LPAR6: variants seen among roughly 807,000 people sequenced by gnomAD.
LPAR6 encodes the protein G-protein coupled purinergic receptor P2Y5.
In LPAR6, 17 loss-of-function variants were observed where a neutral mutation model predicts 22.0. The ratio of observed to expected loss-of-function variants is 0.77; its 90% CI spans 0.53 to 1.16. The LOEUF is 1.16. Among genes scored for constraint, LPAR6 ranks in the 50% most tolerant of loss-of-function variants. The probability of loss-of-function intolerance (pLI) is 0.00; values close to 1 mark genes in which losing one functional copy is unlikely to be tolerated. For synonymous variants in LPAR6, 136 were observed against 139.8 expected (o/e 0.97, Z 0.19); for missense variants, 384 against 406.9 (o/e 0.94, Z 0.48).
upstream of LPAR6, among the ~76,000 whole-genome samples, chr13:48,415,013 A>G (rs1948884499): frequency 6.6e-6 from 1 of 152,020 alleles, no homozygotes; most frequent in African/African-American, 2.4e-5. Flanking sequence ...TATTTGGTTC[A>G]GTATGTTTTA....
intron 2 of LPAR6, among the ~76,000 whole-genome samples, chr13:48,420,823 C>T (rs558561852): frequency 7.9e-5 from 12 of 152,096 alleles, no homozygotes; most frequent in Non-Finnish European, 1.8e-4. Flanking sequence ...AGGCATACAA[C>T]ACACAAGGGA....
At chr13:48,422,143 T>G (rs1468591683) in intron 2 of LPAR6, among the ~76,000 whole-genome samples, 3 of 152,020 alleles carry the variant, frequency 2.0e-5, no homozygotes, top group Non-Finnish European at 4.4e-5. Flanking sequence ...ATAGACAGGA[T>G]AAAGAAAATG....
intron 1 of LPAR6, among the ~76,000 whole-genome samples, chr13:48,398,348 T>G (rs1948664312): frequency 6.6e-6 from 1 of 152,148 alleles, no homozygotes. Flanking sequence ...GTTTCTCAAG[T>G]GATTTAGGAG....
At chr13:48,425,147 A>G (rs1278474489) in intron 1 of LPAR6, among the ~76,000 whole-genome samples, 1 of 152,232 alleles carries the variant, frequency 6.6e-6, no homozygotes, top group Non-Finnish European at 1.5e-5. Context: ...ATGAGAATCT[A>G]CGAATTTAGT....
chr13:48,406,491 T>C (rs1247913856), downstream of LPAR6: 1 of 152,202 alleles, frequency 6.6e-6, no homozygotes, highest in Non-Finnish European at 1.5e-5. Context: ...TTTCTTTTCT[T>C]GCTGAAGACA....
downstream of LPAR6, among the ~76,000 whole-genome samples, chr13:48,406,048 AGGT>A (rs140885900): frequency 9.2e-3 from 1,395 of 152,162 alleles, 21 homozygotes; most frequent in African/African-American, 0.032. Context: ...TTGGACATCT[AGGT>A]GGTTTCCAGT....
At chr13:48,422,360 C>T (rs937339853) in intron 2 of LPAR6, among the ~76,000 whole-genome samples, 1 of 152,014 alleles carries the variant, frequency 6.6e-6, no homozygotes, top group Admixed American at 6.6e-5. Context: ...CACATCGGGG[C>T]CTGTCGGGGT....
chr13:48,422,886 A>G (rs1949027017), intron 1 of LPAR6: 1 of 152,192 alleles, frequency 6.6e-6, no homozygotes. Context: ...CACACCTATA[A>G]TCCCAACACT....
upstream of LPAR6, among the ~76,000 whole-genome samples, chr13:48,414,533 C>T (rs1056198919): frequency 7.3e-5 from 11 of 151,512 alleles, no homozygotes; most frequent in African/African-American, 2.7e-4. Flanking sequence ...CTAGTTATGC[C>T]TTACTGTTAT....
At chr13:48,443,576 G>GAA (rs1275591117) in intron 1 of LPAR6, among the ~76,000 whole-genome samples, 1 of 152,136 alleles carries the variant, frequency 6.6e-6, no homozygotes, top group African/African-American at 2.4e-5. Context: ...CTTTTAAACT[G>GAA]AAAGTACTTT....
downstream of LPAR6, among the ~76,000 whole-genome samples, chr13:48,407,408 AAGAG>A (rs1238375200): frequency 2.6e-5 from 4 of 152,216 alleles, no homozygotes; most frequent in Non-Finnish European, 5.9e-5. Context: ...GGTAATAAAA[AAGAG>A]AGAGAAGTTT....
At chr13:48,391,036 C>T (rs1347584091) in intron 1 of LPAR6, among the ~76,000 whole-genome samples, 1 of 151,856 alleles carries the variant, frequency 6.6e-6, no homozygotes, top group Non-Finnish European at 1.5e-5. Flanking sequence ...CCTTTTCCTC[C>T]CTTTCCTCTT....
upstream of LPAR6, among the ~76,000 whole-genome samples, chr13:48,416,966 G>C (rs181253521): frequency 1.9e-4 from 29 of 152,290 alleles, no homozygotes; most frequent in Admixed American, 3.9e-4. Context: ...GAGCACCTGG[G>C]GGAAGGGTGC....
At chr13:48,421,272 G>C (rs186453618) in intron 2 of LPAR6, among the ~76,000 whole-genome samples, 4 of 149,860 alleles carry the variant, frequency 2.7e-5, no homozygotes, top group African/African-American at 9.7e-5. Flanking sequence ...TGAGACAAAG[G>C]ATTCCGTTTA....
At chr13:48,389,895 C>T (rs1948598503) in intron 1 of LPAR6, 1 of 152,334 alleles carries the variant, frequency 6.6e-6, no homozygotes, top group Admixed American at 6.5e-5. Context: ...TGTCTCACAC[C>T]TGTAATCCCA....
intron 1 of LPAR6, among the ~76,000 whole-genome samples, chr13:48,395,468 G>A (rs894317154): frequency 2.0e-5 from 3 of 152,088 alleles, no homozygotes; most frequent in African/African-American, 7.2e-5. Flanking sequence ...ATGCAAGGAA[G>A]CTAAGAACTT....
Position 48,425,001 on chromosome 13 carries a change from G to A in LPAR6, c.-1095+1858C>T, listed in dbSNP as rs529976299. ...CCTGGGAAGCAGAGGTTGCAGTGAC[G>A]GAGATCATGCCACTGCACTCCAGCC... On this transcript the variant is annotated intron_variant, in intron 1 of 4. Transcript: ENST00000345941. Among the ~76,000 whole-genome samples, 39 of 151,868 alleles carry A rather than the reference G, an allele frequency of 2.6e-4. 1 individual carries two copies. The highest frequency in any genetic ancestry group is 4.7e-4 in the Non-Finnish European group (32 of 67,988).
chr13:48,409,925 G>A (rs1566210101), downstream of LPAR6, among the ~76,000 whole-genome samples: 1 of 152,020 alleles, frequency 6.6e-6, no homozygotes, highest in Non-Finnish European at 1.5e-5. Flanking sequence ...AAAAGTTTTA[G>A]TGTACTTGGT....
downstream of LPAR6, among the ~76,000 whole-genome samples, chr13:48,407,636 G>A (rs899159409): frequency 2.0e-5 from 3 of 152,090 alleles, no homozygotes; most frequent in South Asian, 2.1e-4. Flanking sequence ...TACTCTGGTC[G>A]GTTTAGATAT....
Sources: gnomAD v4.1 joint callset for allele counts (sites outside exome capture counted in the v4.1 genomes callset) on GRCh38, gnomAD v4.1.1 for gene constraint, MANE v1.5 for transcripts, NCBI Gene and HGNC (gene_info 2026-07-23, HGNC 2026-07-21) for gene names.